Variants in CDH19 observed in about 807,000 individuals in gnomAD.
CDH19 encodes the protein cadherin-19.
Under a neutral mutation model 64.2 loss-of-function variants are expected in CDH19, and 67 were observed. The ratio of observed to expected loss-of-function variants is 1.04; its 90% CI spans 0.86 to 1.28. The LOEUF is 1.28. Ranked by LOEUF, CDH19 falls within the 50% of genes most tolerant of loss-of-function variation. CDH19 has a pLI of 0.00. For synonymous variants in CDH19, 346 were observed against 319.3 expected, an observed-to-expected ratio of 1.08 and a Z score of -0.89; for missense variants, 1,030 against 929.0, an observed-to-expected ratio of 1.11 and a Z score of -1.41.
At chr18:66,570,557 A>C (rs937241623) in intron 2 of CDH19, among the ~76,000 whole-genome samples, 1 of 151,726 alleles carries the variant, frequency 6.6e-6, no homozygotes, top group Admixed American at 6.6e-5. Context: ...AAAGAGAGTT[A>C]TCTTGAACGC....
At chr18:66,553,979 T>TAGA in intron 4 of CDH19, among the ~76,000 whole-genome samples, 1 of 88,888 alleles carries the variant, frequency 1.1e-5, no homozygotes. Flanking sequence ...TCTCAGTCAT[T>TAGA]CTGCAGGGTT....
At position 66,509,109 on chromosome 18, in the gene CDH19, C is replaced by T. The variant is rs762825177; in HGVS notation, c.1714G>A (p.Asp572Asn). The T allele has an allele frequency of 6.2e-7, 1 of 1,613,010 alleles. No homozygotes were observed. Among genetic ancestry groups the T allele is most frequent in the Non-Finnish European group, 8.5e-7 (1 of 1,179,356 alleles). ...TGTGTGCTCCCACTGTCACCACAGTCACAGACATGGATGGTAAGGGTGTTT... is the reference window on the plus strand; with the variant it reads ...TGTGTGCTCCCACTGTCACCACAGTTACAGACATGGATGGTAAGGGTGTTT... ...STNTLTIHVC[D>N]CGDSGSTQTC... is the part of the protein sequence containing the mutation. Residue 572 changes from aspartate to asparagine, a missense_variant, in exon 11 of 12, where the codon GAC becomes AAC. By Grantham distance (23) the Asp-to-Asn change is conservative (BLOSUM62 1). Coordinates refer to ENST00000262150, the MANE Select transcript of CDH19 (RefSeq NM_021153.4).
chr18:66,587,397 T>G lies in CDH19; in HGVS notation c.-112-15081A>C, dbSNP rs536690822. 7.2e-5 allele frequency among the ~76,000 whole-genome samples: 11 copies of G among 152,214 alleles called. No homozygotes were observed. The East Asian group carries it at 2.1e-3, about 29-fold the overall frequency. On this transcript the variant is annotated intron_variant, in intron 1 of 11. Coordinates refer to ENST00000262150, the MANE Select transcript of CDH19 (RefSeq NM_021153.4). ...TCCACTCCATCACTCTAAGAAAAGC[T>G]TAGGTTCAGATTTTTAAGACCTCAT...
intron 9 of CDH19, among the ~76,000 whole-genome samples, chr18:66,514,855 AC>A (rs1480204777): frequency 6.6e-6 from 1 of 151,656 alleles, no homozygotes; most frequent in Non-Finnish European, 1.5e-5. Context: ...TTCTTATTAA[AC>A]ATGCAATTGA....
intron 9 of CDH19, among the ~76,000 whole-genome samples, chr18:66,517,336 A>G (rs1338642176): frequency 1.3e-5 from 2 of 152,082 alleles, no homozygotes; most frequent in African/African-American, 4.8e-5. Context: ...TCTGAAAATT[A>G]TCGATATTAT....
chr18:66,560,307 C>G (rs189506109), intron 3 of CDH19, among the ~76,000 whole-genome samples: 207 of 152,142 alleles, frequency 1.4e-3, no homozygotes, highest in Non-Finnish European at 2.5e-3. Flanking sequence ...CAGAAGGTGG[C>G]AGAGCTGAAC....
chr18:66,548,548 GA>G (rs1235511787), intron 5 of CDH19, among the ~76,000 whole-genome samples: 1 of 152,044 alleles, frequency 6.6e-6, no homozygotes, highest in Non-Finnish European at 1.5e-5. Context: ...AAAAGCTAAT[GA>G]GAATGGAGCA....
intron 5 of CDH19, among the ~76,000 whole-genome samples, chr18:66,550,680 C>G (rs140868948): frequency 6.6e-6 from 1 of 151,972 alleles, no homozygotes; most frequent in Non-Finnish European, 1.5e-5. Context: ...CATAAAGAGG[C>G]CTTCAGGAAT....
chr18:66,513,949 A>G (rs933465762), intron 9 of CDH19, among the ~76,000 whole-genome samples: 1 of 151,468 alleles, frequency 6.6e-6, no homozygotes, highest in Non-Finnish European at 1.5e-5. Flanking sequence ...GAAAGCTACA[A>G]TGGAAATACA....
chr18:66,583,305 GT>G (rs1409052064), intron 1 of CDH19, among the ~76,000 whole-genome samples: 3 of 152,032 alleles, frequency 2.0e-5, no homozygotes. Flanking sequence ...TAGGGTTCGT[GT>G]GAGAAAAATA....
At chr18:66,603,931 A>T (rs1168184487) in intron 1 of CDH19, 23 bp downstream of exon 1, 1 of 152,176 alleles carries the variant, frequency 6.6e-6, no homozygotes, top group East Asian at 1.9e-4. Context: ...AGTTTATAAT[A>T]TGCCTGATTA....
In CDH19 at chr18:66,501,540, C is replaced by T. The variant is rs1984940035; in HGVS notation, c.*3272G>A. The T allele has an allele frequency of 6.6e-6, 1 of 152,070 alleles. No homozygotes were observed. Among genetic ancestry groups the T allele is most frequent in the Non-Finnish European group, 1.5e-5 (1 of 68,032 alleles). The allele number at this position is 152,070 out of a possible 1,614,324, so 9.4% of individuals were successfully genotyped here. A position where few individuals can be genotyped will look rare whatever the true frequency, so the allele number is the denominator to read the frequency against. ...GGGTAGAGATGGGAAAGTCCATGGC[C>T]TATGGGGAAGGTGAGGAAGTTGACT... On this transcript the variant is annotated 3_prime_UTR_variant, in exon 12 of 12. Transcript: ENST00000262150.
At position 66,522,443 on chromosome 18, in the gene CDH19, G is replaced by C. The variant is rs62094758; in HGVS notation, c.1458+7402C>G. ...TTTCGTATTTTTAGTAGAGACGGGG[G>C]TGCGCCATGTTGGCCAGGCTGGTTT... is the stretch of plus-strand genomic sequence containing the variant. On this transcript the variant is annotated intron_variant, in intron 9 of 11. Transcript: ENST00000262150. Among the ~76,000 whole-genome samples the C allele has an allele frequency of 9.9e-5, 15 of 151,478 alleles. 1 individual carries two copies. Among genetic ancestry groups the C allele is most frequent in the African/African-American group, 3.6e-4 (15 of 41,244 alleles).
chr18:66,568,668 T>A lies in CDH19; in HGVS notation c.238A>T (p.Lys80Ter). Residue 80 changes from lysine to a stop codon, truncating the protein, a stop_gained, in exon 3 of 12, where the codon AAG (lysine) becomes TAG (stop). Transcript: ENST00000262150. LOFTEE classifies it high-confidence loss of function. Reference sequence around the variant, plus strand: ...CTTCCAGCTCCAGCTCCCAAAAGCTTGTACTGGAAAGAATTGTTTCCATTG... The same window carrying A: ...CTTCCAGCTCCAGCTCCCAAAAGCTAGTACTGGAAAGAATTGTTTCCATTG... ...LDNGNNSFQY[K>*]LLGAGAGSTF... 1 of 1,610,650 alleles carries A rather than the reference T, an allele frequency of 6.2e-7. No homozygotes were observed. Among genetic ancestry groups the A allele is most frequent in the Non-Finnish European group, 8.5e-7 (1 of 1,178,500 alleles).
chr18:66,570,152 A>G (rs752170708), intron 2 of CDH19, among the ~76,000 whole-genome samples: 4 of 151,622 alleles, frequency 2.6e-5, no homozygotes, highest in Non-Finnish European at 5.9e-5. Context: ...TATGGTTCAT[A>G]TTTTTAAATT....
intron 1 of CDH19, among the ~76,000 whole-genome samples, chr18:66,584,503 T>C (rs551703381): frequency 2.0e-5 from 3 of 152,102 alleles, no homozygotes; most frequent in Non-Finnish European, 4.4e-5. Flanking sequence ...GCAGTCCCAC[T>C]ACTGGGTATA....
intron 7 of CDH19, among the ~76,000 whole-genome samples, chr18:66,539,428 T>G (rs1986801853): frequency 6.6e-6 from 1 of 152,120 alleles, no homozygotes; most frequent in South Asian, 2.1e-4. Flanking sequence ...CTGTATCTGT[T>G]TAAGAATCTT....
At chr18:66,527,950 T>A (rs995803865) in intron 9 of CDH19, among the ~76,000 whole-genome samples, 122 of 151,790 alleles carry the variant, frequency 8.0e-4, no homozygotes, top group African/African-American at 2.6e-3. Flanking sequence ...TAATTTACTA[T>A]ACTGGTACTA....
At chr18:66,506,473 A>C (rs888720196) in intron 11 of CDH19, among the ~76,000 whole-genome samples, 1 of 152,030 alleles carries the variant, frequency 6.6e-6, no homozygotes, top group African/African-American at 2.4e-5. Context: ...AAAATAAAAA[A>C]AGACAAAAGT....
Sources: allele counts gnomAD v4.1 joint callset (sites outside exome capture counted in the v4.1 genomes callset), GRCh38; gene constraint gnomAD v4.1.1; transcripts MANE v1.5; gene names NCBI Gene and HGNC (gene_info 2026-07-23, HGNC 2026-07-21).